DNAH14: variants seen among roughly 807,000 people sequenced by gnomAD.
DNAH14 encodes dynein axonemal heavy chain 14, also known as axonemal beta dynein heavy chain 14.
A neutral mutation model predicts 520.9 loss-of-function variants in DNAH14; 478 were observed. The observed-to-expected ratio is 0.92, with a 90% CI of 0.85 to 0.99. The LOEUF (loss-of-function observed/expected upper bound fraction) is 0.99, where lower values mean the gene tolerates loss of function less well. DNAH14 is among the 50% of genes least tolerant of loss of function. The pLI is 0.00. For synonymous variants in DNAH14, 1,581 were observed against 1,757.2 expected (o/e 0.90, Z 2.51); for missense variants, 4,831 against 5,234.5 (o/e 0.92, Z 2.38).
At chr1:225,283,358 T>C (rs924346854) in intron 54 of DNAH14, among the ~76,000 whole-genome samples, 13 of 151,280 alleles carry the variant, frequency 8.6e-5, no homozygotes, top group Non-Finnish European at 1.9e-4. Flanking sequence ...TGCAAACAAT[T>C]ACCACAAGAA....
intron 23 of DNAH14, among the ~76,000 whole-genome samples, chr1:225,112,139 C>G (rs968044959): frequency 2.0e-5 from 3 of 152,066 alleles, no homozygotes; most frequent in Non-Finnish European, 4.4e-5. Context: ...TTCAACATTT[C>G]TTGTATAACA....
intron 61 of DNAH14, 47 bp downstream of exon 61, chr1:225,318,724 C>T: frequency 1.3e-6 from 2 of 1,489,744 alleles, no homozygotes; most frequent in Admixed American, 2.2e-5. Context: ...CAGAAAAAAA[C>T]ATAAATTCAT....
At position 224,954,830 on chromosome 1, in the gene DNAH14, T is replaced by C. The variant is rs2060409856; in HGVS notation, c.78-129T>C. 5 of 644,848 alleles carry C rather than the reference T, an allele frequency of 7.8e-6. No individual in the cohort carries two copies. In the South Asian group the frequency reaches 1.0e-4, roughly 13 times the overall value. The allele number at this position is 644,848 out of a possible 1,614,324, so 39.9% of individuals were successfully genotyped here. A position where few individuals can be genotyped will look rare whatever the true frequency, so the allele number is the denominator to read the frequency against. On this transcript the variant is annotated intron_variant, in intron 2 of 85. Transcript: ENST00000682510. ...TTTCAATTATGGAGCATGTTAACCA[T>C]AGCATTTATTAAACCTAAGAAGCTG...
At chr1:225,336,062 TATAC>T (rs989168005) in intron 66 of DNAH14, among the ~76,000 whole-genome samples, 14 of 146,130 alleles carry the variant, frequency 9.6e-5, no homozygotes, top group South Asian at 4.2e-4. Flanking sequence ...TACATATATG[TATAC>T]ATACATACTT....
At chr1:225,343,038 A>G (rs971313075) in intron 69 of DNAH14, among the ~76,000 whole-genome samples, 1 of 152,224 alleles carries the variant, frequency 6.6e-6, no homozygotes, top group Non-Finnish European at 1.5e-5. Context: ...GTATCAGTGC[A>G]GTGATGAATT....
intron 27 of DNAH14, among the ~76,000 whole-genome samples, chr1:225,130,400 CAA>C (rs2078265388): frequency 6.6e-6 from 1 of 151,892 alleles, no homozygotes; most frequent in Non-Finnish European, 1.5e-5. Context: ...GTCACAATAG[CAA>C]AGACTTGGAA....
chr1:225,258,494 T>C (rs1281144893), intron 45 of DNAH14, among the ~76,000 whole-genome samples: 1 of 152,194 alleles, frequency 6.6e-6, no homozygotes, highest in Non-Finnish European at 1.5e-5. Context: ...TTTTCTATCT[T>C]TTACCATTAT....
intron 10 of DNAH14, among the ~76,000 whole-genome samples, chr1:225,010,287 G>A (rs971399265): frequency 1.3e-5 from 2 of 152,108 alleles, no homozygotes; most frequent in African/African-American, 4.8e-5. Flanking sequence ...CTAGTTTATT[G>A]AGAGTTTTTA....
At position 224,970,355 on chromosome 1, in the gene DNAH14, C is replaced by T. The variant is rs140031383; in HGVS notation, c.767+1481C>T. Among the ~76,000 whole-genome samples the T allele has an allele frequency of 5.0e-3, 765 of 152,190 alleles. 6 individuals carry two copies. Among genetic ancestry groups the T allele is most frequent in the African/African-American group, 0.017 (720 of 41,514 alleles). Reference sequence around the variant, plus strand: ...GATGTTATCAGTGACAATGCGTGCCCGAAACTTCATTGGCAATTTTAATTT... The same window carrying T: ...GATGTTATCAGTGACAATGCGTGCCTGAAACTTCATTGGCAATTTTAATTT... On this transcript the variant is annotated intron_variant, in intron 7 of 85. Coordinates refer to ENST00000682510, the MANE Select transcript of DNAH14 (RefSeq NM_001367479.1).
At chr1:225,007,914 A>G (rs1486832343) in intron 10 of DNAH14, among the ~76,000 whole-genome samples, 2 of 139,844 alleles carry the variant, frequency 1.4e-5, no homozygotes, top group East Asian at 2.3e-4. Context: ...CTGAGGATGT[A>G]CATTTCTTTT....
At chr1:225,062,605 G>A (rs1379887959) in intron 17 of DNAH14, among the ~76,000 whole-genome samples, 1 of 152,186 alleles carries the variant, frequency 6.6e-6, no homozygotes, top group Non-Finnish European at 1.5e-5. Flanking sequence ...TAGGCAGAAT[G>A]TTCATAGAGT....
intron 17 of DNAH14, among the ~76,000 whole-genome samples, chr1:225,059,627 G>T (rs757498982): frequency 0.03 from 4,441 of 147,798 alleles, no homozygotes; most frequent in African/African-American, 0.1. Context: ...AGCCTCGATG[G>T]TCTTTACAAT....
intron 30 of DNAH14, among the ~76,000 whole-genome samples, chr1:225,146,412 A>G (rs1222742579): frequency 6.6e-6 from 1 of 152,114 alleles, no homozygotes; most frequent in Admixed American, 6.5e-5. Flanking sequence ...CATTCAGCCC[A>G]CAGAAGTTAG....
intron 64 of DNAH14, among the ~76,000 whole-genome samples, chr1:225,329,735 G>A (rs12565668): frequency 0.11 from 17,090 of 151,996 alleles, 1,145 homozygotes; most frequent in East Asian, 0.26. Flanking sequence ...CAGGACATTG[G>A]TCTGGGCAAA....
intron 69 of DNAH14, among the ~76,000 whole-genome samples, chr1:225,345,256 T>C (rs78388430): frequency 0.013 from 1,946 of 152,292 alleles, 43 homozygotes; most frequent in African/African-American, 0.045. Context: ...AGATGCCACA[T>C]TTTTAAAAGG....
chr1:225,095,702 A>C (rs1447366699), intron 21 of DNAH14, among the ~76,000 whole-genome samples: 1 of 152,228 alleles, frequency 6.6e-6, no homozygotes, highest in African/African-American at 2.4e-5. Context: ...GATCAATCTC[A>C]AAATAATTAT....
At chr1:225,182,013 C>A (rs1457849239) in intron 36 of DNAH14, among the ~76,000 whole-genome samples, 1 of 151,926 alleles carries the variant, frequency 6.6e-6, no homozygotes, top group Non-Finnish European at 1.5e-5. Flanking sequence ...ATGGTGAAAC[C>A]CTGTCTTTAC....
chr1:225,017,522 C>A (rs961346973), intron 10 of DNAH14, among the ~76,000 whole-genome samples: 3 of 152,210 alleles, frequency 2.0e-5, no homozygotes, highest in African/African-American at 7.2e-5. Context: ...CTGCCCCTAC[C>A]AGAGTACTTC....
chr1:225,219,537 C>T (rs746688639), intron 41 of DNAH14, among the ~76,000 whole-genome samples: 15 of 152,106 alleles, frequency 9.9e-5, no homozygotes, highest in Non-Finnish European at 1.9e-4. Context: ...CACCTCTATG[C>T]AAATAAACTA....
Sources: allele counts gnomAD v4.1 joint callset (sites outside exome capture counted in the v4.1 genomes callset), GRCh38; gene constraint gnomAD v4.1.1; transcripts MANE v1.5; gene names NCBI Gene and HGNC (gene_info 2026-07-23, HGNC 2026-07-21).